NAV2: variants seen among roughly 807,000 people sequenced by gnomAD.
NAV2 encodes neuron navigator 2.
Under a neutral mutation model 223.2 loss-of-function variants are expected in NAV2, and 54 were observed. The observed-to-expected ratio is 0.24, with a 90% CI of 0.19 to 0.30. The LOEUF (loss-of-function observed/expected upper bound fraction) is 0.30, where lower values mean the gene tolerates loss of function less well. Ranked by LOEUF, NAV2 falls within the 10% of genes least tolerant of loss-of-function variation. The pLI is 1.00. For missense variants in NAV2, 2,806 were observed against 3,147.5 expected (o/e 0.89, Z 2.60); for synonymous variants, 1,279 against 1,239.3 (o/e 1.03, Z -0.67).
At chr11:19,956,596 G>A (rs1250685976) in intron 10 of NAV2, among the ~76,000 whole-genome samples, 2 of 152,150 alleles carry the variant, frequency 1.3e-5, no homozygotes, top group Non-Finnish European at 2.9e-5. Context: ...ATATGGTAAA[G>A]GATACAGTTG....
rs74493807 is a variant in NAV2 at position 19,730,554 on chromosome 11, C to G, written c.267+16592C>G. On this transcript the variant is annotated intron_variant, in intron 1 of 37. Transcript: ENST00000349880. Reference sequence around the variant, plus strand: ...GGCTCAGAGGCCAGACGCTGACTTCCAGGGCTGGGAGCCAGCGCTTCTGAC... The same window carrying G: ...GGCTCAGAGGCCAGACGCTGACTTCGAGGGCTGGGAGCCAGCGCTTCTGAC... Among the ~76,000 whole-genome samples the G allele has an allele frequency of 2.4e-3, 366 of 152,352 alleles. 3 individuals are homozygous for G. The highest frequency in any genetic ancestry group is 8.4e-3 in the African/African-American group (350 of 41,598).
intron 1 of NAV2, among the ~76,000 whole-genome samples, chr11:19,426,713 G>C (rs55667435): frequency 0.24 from 36,453 of 151,782 alleles, 4,566 homozygotes; most frequent in East Asian, 0.35. Flanking sequence ...TTTTTAGTTG[G>C]GGGGCGGGGT....
At chr11:20,074,471 C>G (rs561977317) in intron 22 of NAV2, among the ~76,000 whole-genome samples, 16 of 152,272 alleles carry the variant, frequency 1.1e-4, no homozygotes, top group East Asian at 1.9e-4. Context: ...GAGATGAGCT[C>G]AAGTCCTGGA....
At chr11:19,664,256 C>A (rs749954729) in intron 1 of NAV2, among the ~76,000 whole-genome samples, 2 of 152,182 alleles carry the variant, frequency 1.3e-5, no homozygotes, top group Admixed American at 6.5e-5. Flanking sequence ...TTGAAGCCTC[C>A]TTTGGGTGAG....
chr11:19,609,105 G>T (rs1350824792), intron 1 of NAV2, among the ~76,000 whole-genome samples: 2 of 152,082 alleles, frequency 1.3e-5, no homozygotes, highest in South Asian at 2.1e-4. Context: ...AATTACTTTT[G>T]TCATAAATGT....
chr11:19,788,732 G>A (rs1187534756), intron 1 of NAV2, among the ~76,000 whole-genome samples: 3 of 151,974 alleles, frequency 2.0e-5, no homozygotes, highest in East Asian at 1.9e-4. Flanking sequence ...CTGGTTCCTC[G>A]AACTCACCAA....
At chr11:19,557,025 A>G (rs1270170429) in intron 1 of NAV2, among the ~76,000 whole-genome samples, 1 of 152,238 alleles carries the variant, frequency 6.6e-6, no homozygotes, top group Non-Finnish European at 1.5e-5. Context: ...CCAAAATTTT[A>G]CATAATAGAC....
intron 31 of NAV2, among the ~76,000 whole-genome samples, chr11:20,100,693 T>A (rs2061580361): frequency 6.6e-6 from 1 of 152,008 alleles, no homozygotes; most frequent in South Asian, 2.1e-4. Flanking sequence ...AAGGTGAGTT[T>A]GAATCTGGGA....
intron 1 of NAV2, among the ~76,000 whole-genome samples, chr11:19,795,940 C>T (rs990023889): frequency 6.6e-6 from 1 of 151,244 alleles, no homozygotes; most frequent in African/African-American, 2.4e-5. Flanking sequence ...CTTTGAGAAA[C>T]CCCTTTAGGT....
intron 1 of NAV2, among the ~76,000 whole-genome samples, chr11:19,608,399 G>A (rs1162308812): frequency 1.3e-5 from 2 of 152,250 alleles, no homozygotes; most frequent in Non-Finnish European, 2.9e-5. Flanking sequence ...CAAATACACT[G>A]CCTTGCAGTG....
intron 29 of NAV2, among the ~76,000 whole-genome samples, chr11:20,095,435 A>C (rs1402038949): frequency 6.6e-6 from 1 of 152,202 alleles, no homozygotes; most frequent in Non-Finnish European, 1.5e-5. Flanking sequence ...AAAAGTTTCC[A>C]TATTCCAGAG....
intron 1 of NAV2, among the ~76,000 whole-genome samples, chr11:19,750,680 A>T (rs913324610): frequency 2.6e-5 from 4 of 152,326 alleles, no homozygotes; most frequent in African/African-American, 9.6e-5. Context: ...CAGATAGAGT[A>T]ACTGAAGACC....
At chr11:20,085,007 A>C (rs1235742531) in intron 26 of NAV2, among the ~76,000 whole-genome samples, 1 of 151,948 alleles carries the variant, frequency 6.6e-6, no homozygotes, top group African/African-American at 2.4e-5. Flanking sequence ...TGGTCAATAT[A>C]GTGAGACTCT....
chr11:19,602,157 G>C (rs887387092), intron 1 of NAV2, among the ~76,000 whole-genome samples: 1 of 150,906 alleles, frequency 6.6e-6, no homozygotes, highest in Non-Finnish European at 1.5e-5. Context: ...GAGGCAAGGA[G>C]TGCATCTCTA....
At chr11:19,869,051 C>A in intron 4 of NAV2, 54 bp downstream of exon 4, 2 of 1,511,922 alleles carry the variant, frequency 1.3e-6, no homozygotes, top group Middle Eastern at 1.7e-4. Flanking sequence ...AAATGCCCAC[C>A]TGTTACTTAT....
chr11:19,557,350 T>C (rs1242333596), intron 1 of NAV2, among the ~76,000 whole-genome samples: 1 of 152,256 alleles, frequency 6.6e-6, no homozygotes, highest in African/African-American at 2.4e-5. Context: ...TTAGATCCAC[T>C]GAGCCTGGCA....
intron 19 of NAV2, 104 bp downstream of exon 19, chr11:20,056,061 G>A (rs2058345373): frequency 9.1e-7 from 1 of 1,098,296 alleles, no homozygotes; most frequent in African/African-American, 1.6e-5. Flanking sequence ...TAACCTGAGA[G>A]CCCACCTATA....
At chr11:19,714,119 G>A in intron 1 of NAV2, 157 bp downstream of exon 1, 1 of 1,137,232 alleles carries the variant, frequency 8.8e-7, no homozygotes, top group Non-Finnish European at 1.3e-6. Context: ...GGATGCGCGA[G>A]GAGAGTGGGC....
intron 10 of NAV2, among the ~76,000 whole-genome samples, chr11:19,962,354 G>A (rs2048412241): frequency 6.6e-6 from 1 of 152,000 alleles, no homozygotes; most frequent in Admixed American, 6.5e-5. Flanking sequence ...ACAATATCTG[G>A]ACTCTAGTGT....
Sources: gnomAD v4.1 joint callset for allele counts (sites outside exome capture counted in the v4.1 genomes callset) on GRCh38, gnomAD v4.1.1 for gene constraint, MANE v1.5 for transcripts, NCBI Gene and HGNC (gene_info 2026-07-23, HGNC 2026-07-21) for gene names.